Variants in HCRTR2 observed in about 807,000 individuals in gnomAD.
The protein encoded by HCRTR2 is hypocretin receptor 2, also known as orexin receptor type 2.
A neutral mutation model predicts 49.0 loss-of-function variants in HCRTR2; 22 were observed. The observed-to-expected ratio is 0.45, with a 90% CI of 0.32 to 0.64. HCRTR2 has a LOEUF of 0.64. HCRTR2 is among the 30% of genes least tolerant of loss of function. The pLI, the probability that HCRTR2 is intolerant of heterozygous loss-of-function variation, is 0.04. For synonymous variants in HCRTR2, 236 were observed against 205.3 expected, an observed-to-expected ratio of 1.15 and a Z score of -1.28; for missense variants, 491 against 559.4, an observed-to-expected ratio of 0.88 and a Z score of 1.23.
At chr6:55,240,817 T>C (rs1766314202) in intron 1 of HCRTR2, 1 of 419,120 alleles carries the variant, frequency 2.4e-6, no homozygotes, top group Non-Finnish European at 4.8e-6. Flanking sequence ...TTTTTGAAAA[T>C]AGGAGTTAAA....
At chr6:55,263,592 CAATG>C (rs1190265850) in intron 3 of HCRTR2, 111 bp from the exon 4 acceptor site, 1 of 690,852 alleles carries the variant, frequency 1.4e-6, no homozygotes, top group East Asian at 2.7e-5. Context: ...CATAATATGA[CAATG>C]AAATCATATA....
chr6:55,107,701 A>G (rs1763994444), intron 1 of HCRTR2, among the ~76,000 whole-genome samples: 1 of 152,164 alleles, frequency 6.6e-6, no homozygotes, highest in South Asian at 2.1e-4. Flanking sequence ...AGTTTTACAC[A>G]TACATAAATT....
upstream of HCRTR2, among the ~76,000 whole-genome samples, chr6:55,171,070 G>T (rs1363690702): frequency 1.3e-5 from 2 of 152,084 alleles, no homozygotes; most frequent in East Asian, 3.9e-4. Flanking sequence ...ATAGCAGCAT[G>T]ATTTATAATC....
chr6:55,272,672 T>C (rs1562029741), intron 4 of HCRTR2, among the ~76,000 whole-genome samples: 1 of 151,830 alleles, frequency 6.6e-6, no homozygotes, highest in Non-Finnish European at 1.5e-5. Flanking sequence ...ATTTGACATG[T>C]TAATGTAATG....
Position 55,165,744 on chromosome 6 carries a change from A to ATAT in HCRTR2, c.-377-8467_-377-8466insTAT, listed in dbSNP as rs1764867205. On this transcript the variant is annotated intron_variant, in intron 1 of 7. Coordinates refer to the HCRTR2 transcript ENST00000615358. ...TATTTGTTAAGGGATTAGTATACAGAATATATATATATATATATATATATA... is the reference window on the plus strand; with the variant it reads ...TATTTGTTAAGGGATTAGTATACAGATATATATATATATATATATATATATATA... Among the ~76,000 whole-genome samples the ATAT allele has an allele frequency of 4.4e-3, 566 of 128,422 alleles. 23 individuals are homozygous for ATAT. Among genetic ancestry groups the ATAT allele is most frequent in the Non-Finnish European group, 5.9e-3 (373 of 63,424 alleles). The allele number at this position is 128,422 out of a possible 152,430, so 84.2% of individuals were successfully genotyped here.
rs555143536 is a variant in HCRTR2, at chr6:55,155,063, TA to T, written c.-377-19141del. 4.4e-3 allele frequency among the ~76,000 whole-genome samples: 666 copies of T among 151,906 alleles called. 6 individuals carry two copies. Among genetic ancestry groups the T allele is most frequent in the African/African-American group, 0.015 (617 of 41,516 alleles). On this transcript the variant is annotated intron_variant, in intron 1 of 7. Coordinates refer to the HCRTR2 transcript ENST00000615358. The stretch of plus-strand genomic sequence containing the variant: ...TGTACTGAAAACTATAAAATGCTGA[TA>T]AAAAAATTAAAGAAGATACAATAAA...
chr6:55,220,829 C>T (rs1186633800), intron 1 of HCRTR2, among the ~76,000 whole-genome samples: 1 of 152,096 alleles, frequency 6.6e-6, no homozygotes, highest in African/African-American at 2.4e-5. Context: ...CACAAGGAAA[C>T]TGTTGCAACT....
chr6:55,251,539 A>T (rs1318846015), intron 2 of HCRTR2, among the ~76,000 whole-genome samples: 1 of 151,890 alleles, frequency 6.6e-6, no homozygotes, highest in East Asian at 1.9e-4. Flanking sequence ...ACTGCAGAAG[A>T]CGCCCTACAC....
At chr6:55,239,181 A>G (rs951212492) in intron 1 of HCRTR2, among the ~76,000 whole-genome samples, 1 of 152,220 alleles carries the variant, frequency 6.6e-6, no homozygotes, top group African/African-American at 2.4e-5. Flanking sequence ...AACTGCAGAC[A>G]CTAAGACTAT....
chr6:55,269,658 A>T (rs1234260061), intron 4 of HCRTR2, among the ~76,000 whole-genome samples: 1 of 152,168 alleles, frequency 6.6e-6, no homozygotes, highest in Admixed American at 6.5e-5. Context: ...TAATAAAAGA[A>T]GCTTAATAAG....
In HCRTR2 at chr6:55,263,744, T is replaced by C. The variant is rs745964334; in HGVS notation, c.684T>C (p.Phe228=). The part of the protein sequence containing the change: ...IYPKMYHICF[F]LVTYMAPLCL... The stretch of plus-strand genomic sequence containing the variant: ...CCAAGATGTACCACATCTGTTTCTT[T>C]CTGGTGACATACATGGCACCACTGT... The change falls in exon 4 of 7, where the codon TTT becomes TTC. Residue 228 remains phenylalanine (F), a synonymous_variant. Coordinates refer to ENST00000370862, the MANE Select transcript of HCRTR2 (RefSeq NM_001384272.1). The C allele has an allele frequency of 5.0e-6, 8 of 1,612,244 alleles. No homozygotes were observed. The East Asian group carries it at 1.6e-4, about 31-fold the overall frequency.
At chr6:55,158,482 T>A (rs997836328) in intron 1 of HCRTR2, among the ~76,000 whole-genome samples, 1 of 152,098 alleles carries the variant, frequency 6.6e-6, no homozygotes, top group Non-Finnish European at 1.5e-5. Flanking sequence ...GAAAGGGAGC[T>A]GAAGCCAGGG....
At chr6:55,250,096 GT>G (rs1766519827) in intron 2 of HCRTR2, among the ~76,000 whole-genome samples, 1 of 152,010 alleles carries the variant, frequency 6.6e-6, no homozygotes, top group South Asian at 2.1e-4. Flanking sequence ...AATTTTTAAG[GT>G]TAAACATTGT....
intron 2 of HCRTR2, among the ~76,000 whole-genome samples, chr6:55,253,218 G>A (rs1298568317): frequency 1.3e-4 from 18 of 142,154 alleles, no homozygotes; most frequent in East Asian, 7.9e-4. Flanking sequence ...ACACACACAC[G>A]CAACACACAA....
intron 1 of HCRTR2, among the ~76,000 whole-genome samples, chr6:55,107,763 T>C (rs1036135944): frequency 1.3e-5 from 2 of 152,122 alleles, no homozygotes; most frequent in Admixed American, 6.6e-5. Context: ...AGTTTTGATT[T>C]TCTAAATTTA....
chr6:55,271,742 T>C (rs1766977415), intron 4 of HCRTR2, among the ~76,000 whole-genome samples: 1 of 152,046 alleles, frequency 6.6e-6, no homozygotes, highest in South Asian at 2.1e-4. Context: ...AAAGAAGATA[T>C]ACAAATGGTC....
intron 1 of HCRTR2, among the ~76,000 whole-genome samples, chr6:55,184,659 G>T (rs1428811067): frequency 6.6e-6 from 1 of 152,176 alleles, no homozygotes; most frequent in Non-Finnish European, 1.5e-5. Context: ...CTACAGGTTG[G>T]CATGGTAACA....
intron 1 of HCRTR2, among the ~76,000 whole-genome samples, chr6:55,138,712 G>T (rs1197575704): frequency 6.6e-6 from 1 of 152,138 alleles, no homozygotes; most frequent in African/African-American, 2.4e-5. Flanking sequence ...TGAAAAGAAA[G>T]TCATTCTTTC....
intron 1 of HCRTR2, among the ~76,000 whole-genome samples, chr6:55,115,477 AGAGTGTGTGT>A (rs1764103220): frequency 2.3e-5 from 1 of 43,172 alleles, no homozygotes; most frequent in Non-Finnish European, 4.6e-5. Flanking sequence ...GTGTTGCTAA[AGAGTGTGTGT>A]GTGTGTGTGT....
Sources: allele counts gnomAD v4.1 joint callset (sites outside exome capture counted in the v4.1 genomes callset), GRCh38; gene constraint gnomAD v4.1.1; transcripts MANE v1.5; gene names NCBI Gene and HGNC (gene_info 2026-07-23, HGNC 2026-07-21).